The following ROR1 variants were observed in gnomAD, a reference collection of about 807,000 sequenced individuals.
ROR1 encodes inactive tyrosine-protein kinase transmembrane receptor ROR1.
ROR1 carries 19 observed loss-of-function variants against 78.8 expected under a neutral mutation model. The ratio of observed to expected loss-of-function variants is 0.24; its 90% confidence interval spans 0.17 to 0.35. The LOEUF is 0.35. ROR1 is among the 10% of genes least tolerant of loss of function. The pLI, the probability that ROR1 is intolerant of heterozygous loss-of-function variation, is 1.00. For missense variants in ROR1, 917 were observed against 1,177.8 expected (o/e 0.78, Z 3.24); for synonymous variants, 386 against 433.6 (o/e 0.89, Z 1.36).
At chr1:63,996,697 T>C (rs1181731290) in intron 1 of ROR1, among the ~76,000 whole-genome samples, 3 of 152,186 alleles carry the variant, frequency 2.0e-5, no homozygotes, top group South Asian at 4.1e-4. Context: ...TAGTTCTTTT[T>C]TTCCCCCCTT....
chr1:64,038,935 G>C (rs749177759), intron 2 of ROR1, among the ~76,000 whole-genome samples: 1 of 152,168 alleles, frequency 6.6e-6, no homozygotes, highest in Admixed American at 6.5e-5. Context: ...AAAGAAAATA[G>C]TAGCTCCTTC....
rs138041472 is a variant in ROR1 at position 63,844,136 on chromosome 1, A to T, written c.91+69628A>T. On this transcript the variant is annotated intron_variant, in intron 1 of 8. Coordinates refer to ENST00000371079, the MANE Select transcript of ROR1 (RefSeq NM_005012.4). ...TGCTAACATTAGGATGATAAAACCT[A>T]CCTCATGGGTTGGTGAGGAATTAAT... Among the ~76,000 whole-genome samples, 568 of 152,230 alleles carry T rather than the reference A, an allele frequency of 3.7e-3. 4 individuals carry two copies. The highest frequency in any genetic ancestry group is 0.013 in the African/African-American group (526 of 41,534).
chr1:63,939,523 A>G (rs951339863), intron 1 of ROR1, among the ~76,000 whole-genome samples: 1 of 152,216 alleles, frequency 6.6e-6, no homozygotes, highest in Non-Finnish European at 1.5e-5. Flanking sequence ...TTCCAGGCAT[A>G]TCAAAAACAA....
chr1:63,781,100 G>A (rs1644649163), intron 1 of ROR1, among the ~76,000 whole-genome samples: 2 of 152,106 alleles, frequency 1.3e-5, no homozygotes, highest in Admixed American at 1.3e-4. Flanking sequence ...ACAAAGCAGA[G>A]GTTGGGTTTG....
intron 1 of ROR1, among the ~76,000 whole-genome samples, chr1:63,943,565 T>A (rs1645858521): frequency 6.6e-6 from 1 of 152,140 alleles, no homozygotes; most frequent in Non-Finnish European, 1.5e-5. Flanking sequence ...AAAAAGCTCA[T>A]CTGGTAACTG....
chr1:63,974,588 C>A (rs2100501211), intron 1 of ROR1, among the ~76,000 whole-genome samples: 1 of 152,070 alleles, frequency 6.6e-6, no homozygotes, highest in Non-Finnish European at 1.5e-5. Flanking sequence ...TTAATGTGGA[C>A]ATTACTTGAA....
At chr1:64,083,911 T>C (rs547218045) in intron 4 of ROR1, among the ~76,000 whole-genome samples, 6 of 152,224 alleles carry the variant, frequency 3.9e-5, no homozygotes, top group Non-Finnish European at 8.8e-5. Context: ...CCTTAAGAAA[T>C]GTGATGGGGC....
At chr1:64,110,070 C>G (rs1220702990) in intron 4 of ROR1, among the ~76,000 whole-genome samples, 1 of 152,146 alleles carries the variant, frequency 6.6e-6, no homozygotes, top group Non-Finnish European at 1.5e-5. Flanking sequence ...TATCACATAG[C>G]ACTATCTGTT....
At chr1:63,986,748 T>C (rs1646256002) in intron 1 of ROR1, among the ~76,000 whole-genome samples, 1 of 151,926 alleles carries the variant, frequency 6.6e-6, no homozygotes, top group South Asian at 2.1e-4. Context: ...TTTTTTTTAA[T>C]TAGCCAGACT....
At chr1:63,776,593 T>G (rs1221042296) in intron 1 of ROR1, among the ~76,000 whole-genome samples, 1 of 152,176 alleles carries the variant, frequency 6.6e-6, no homozygotes, top group Non-Finnish European at 1.5e-5. Context: ...ACCAGTTATG[T>G]CAGGGGTCGA....
chr1:64,017,160 C>T (rs536760317), intron 2 of ROR1, among the ~76,000 whole-genome samples: 9 of 152,118 alleles, frequency 5.9e-5, no homozygotes, highest in South Asian at 2.1e-4. Flanking sequence ...GCCCCCTCGG[C>T]CCCCCAAAGT....
At chr1:63,879,971 T>C (rs1159589686) in intron 1 of ROR1, among the ~76,000 whole-genome samples, 1 of 152,152 alleles carries the variant, frequency 6.6e-6, no homozygotes, top group Non-Finnish European at 1.5e-5. Context: ...CTTTCCTTTA[T>C]GAAAATGGTA....
chr1:63,959,277 C>G (rs1008185764), intron 1 of ROR1, among the ~76,000 whole-genome samples: 4 of 151,472 alleles, frequency 2.6e-5, no homozygotes, highest in African/African-American at 9.8e-5. Context: ...CAATTACGTC[C>G]CACTAGGTCC....
chr1:63,884,522 C>T (rs960799206), intron 1 of ROR1, among the ~76,000 whole-genome samples: 5 of 152,198 alleles, frequency 3.3e-5, no homozygotes, highest in South Asian at 2.1e-4. Context: ...CTCAAGGTCA[C>T]GCAGCTAGTT....
intron 4 of ROR1, among the ~76,000 whole-genome samples, chr1:64,077,958 A>G (rs1297256250): frequency 3.9e-5 from 6 of 152,214 alleles, no homozygotes; most frequent in African/African-American, 1.4e-4. Context: ...ATGGAGGTGA[A>G]AAGATGATGT....
intron 1 of ROR1, among the ~76,000 whole-genome samples, chr1:63,976,887 C>G (rs1450884203): frequency 6.6e-6 from 1 of 152,092 alleles, no homozygotes; most frequent in Non-Finnish European, 1.5e-5. Flanking sequence ...CTATATTAGT[C>G]CATTCTCACA....
intron 2 of ROR1, among the ~76,000 whole-genome samples, chr1:64,014,740 C>CTATATATATATATATATA (rs1208813882): frequency 0.011 from 315 of 28,948 alleles, 14 homozygotes; most frequent in African/African-American, 0.017. Context: ...CATACGCACA[C>CTATATATATATATATATA]TATATATATA....
intron 7 of ROR1, 33 bp from the exon 8 acceptor site, chr1:64,158,948 A>G (rs1372043169): frequency 1.3e-6 from 2 of 1,507,168 alleles, no homozygotes; most frequent in South Asian, 2.3e-5. Flanking sequence ...TTTAAAGAGT[A>G]TAACTTTTGC....
chr1:64,124,306 A>C (rs1319516093), intron 4 of ROR1, among the ~76,000 whole-genome samples: 1 of 152,180 alleles, frequency 6.6e-6, no homozygotes, highest in African/African-American at 2.4e-5. Flanking sequence ...TTAAATTATA[A>C]ATTAAATCAT....
Sources: allele counts gnomAD v4.1 joint callset (sites outside exome capture counted in the v4.1 genomes callset), GRCh38; gene constraint gnomAD v4.1.1; transcripts MANE v1.5; gene names NCBI Gene and HGNC (gene_info 2026-07-23, HGNC 2026-07-21).